XRN2: variants seen among roughly 807,000 people sequenced by gnomAD.
The protein encoded by XRN2 is DHM1-like protein.
Under a neutral mutation model 138.5 loss-of-function variants are expected in XRN2, and 44 were observed. The ratio of observed to expected loss-of-function variants is 0.32; its 90% CI spans 0.25 to 0.41. XRN2 has a LOEUF of 0.41. XRN2 is among the 10% of genes least tolerant of loss of function. The probability of loss-of-function intolerance (pLI) is 1.00; values close to 1 mark genes in which losing one functional copy is unlikely to be tolerated. For synonymous variants in XRN2, 354 were observed against 369.4 expected (o/e 0.96, Z 0.48); for missense variants, 937 against 1,169.3 (o/e 0.80, Z 2.90).
chr20:21,307,322 G>C lies in XRN2; in HGVS notation c.75+3849G>C, dbSNP rs113115870. Among the ~76,000 whole-genome samples the C allele has an allele frequency of 2.0e-3, 156 of 76,286 alleles. 60 individuals are homozygous for C. Among genetic ancestry groups the C allele is most frequent in the African/African-American group, 5.3e-3 (147 of 27,910 alleles). 50.0% of individuals were successfully genotyped at this position (76,286 alleles called of 152,430 possible). On this transcript the variant is annotated intron_variant, in intron 1 of 29. Transcript: ENST00000377191. ...TTGAGTCTGGAGTCTTACGTTCTTCGGTTTTAGGGAATGCTGTTTGATGAT... is the reference window on the plus strand; with the variant it reads ...TTGAGTCTGGAGTCTTACGTTCTTCCGTTTTAGGGAATGCTGTTTGATGAT...
At chr20:21,357,884 C>T (rs959019279) in intron 24 of XRN2, 92 bp downstream of exon 24, 4 of 1,101,054 alleles carry the variant, frequency 3.6e-6, no homozygotes, top group South Asian at 1.7e-5. Context: ...AAGGAAATGG[C>T]AGCTGTTAAT....
At position 21,357,642 on chromosome 20, in the gene XRN2, TTCTA is replaced by T. The variant is rs966183477; in HGVS notation, c.2199-93_2199-90del. On this transcript the variant is annotated intron_variant, in intron 23 of 29. Coordinates refer to ENST00000377191, the MANE Select transcript of XRN2 (RefSeq NM_012255.5). The stretch of plus-strand genomic sequence containing the variant: ...TTAGTGCATTCTAATGATTTATCTT[TTCTA>T]AAGACTAACAAACATAGCAACATCT... 2.2e-4 allele frequency: 231 copies of T among 1,026,988 alleles called. 1 individual carries two copies. Among genetic ancestry groups the T allele is most frequent in the Non-Finnish European group, 5.3e-5 (38 of 721,378 alleles). The allele number at this position is 1,026,988 out of a possible 1,614,324, so 63.6% of individuals were successfully genotyped here. A position where few individuals can be genotyped will look rare whatever the true frequency, so the allele number is the denominator to read the frequency against.
chr20:21,319,100 T>C (rs2038002315), intron 1 of XRN2, among the ~76,000 whole-genome samples: 1 of 152,186 alleles, frequency 6.6e-6, no homozygotes, highest in Admixed American at 6.5e-5. Flanking sequence ...TATCTTTTTC[T>C]TGATGGATTT....
chr20:21,381,208 A>C (rs963283296), intron 27 of XRN2, among the ~76,000 whole-genome samples: 3 of 152,158 alleles, frequency 2.0e-5, no homozygotes, highest in African/African-American at 7.2e-5. Flanking sequence ...AGTCTAGAGG[A>C]GGTTACTGTC....
At chr20:21,329,400 T>G (rs1263125042) in intron 4 of XRN2, among the ~76,000 whole-genome samples, 2 of 152,174 alleles carry the variant, frequency 1.3e-5, no homozygotes, top group Non-Finnish European at 2.9e-5. Flanking sequence ...CAGGTTTGTT[T>G]GGTGTTCTGC....
intron 20 of XRN2, among the ~76,000 whole-genome samples, chr20:21,352,192 T>A (rs1465512164): frequency 6.6e-6 from 1 of 152,204 alleles, no homozygotes; most frequent in Non-Finnish European, 1.5e-5. Context: ...TCCTCATACA[T>A]GTTTTTAAAA....
intron 28 of XRN2, among the ~76,000 whole-genome samples, chr20:21,386,641 CTCAGT>C (rs2038939309): frequency 6.6e-6 from 1 of 152,154 alleles, no homozygotes; most frequent in Non-Finnish European, 1.5e-5. Context: ...GTCAGAACTT[CTCAGT>C]TGAGTTTAAA....
intron 1 of XRN2, among the ~76,000 whole-genome samples, chr20:21,325,083 G>A (rs983109411): frequency 1.3e-5 from 2 of 152,096 alleles, no homozygotes; most frequent in Admixed American, 1.3e-4. Flanking sequence ...ATAGTACTTG[G>A]TACTTCATGA....
At chr20:21,356,694 T>G (rs2038579665) in intron 23 of XRN2, 29 bp downstream of exon 23, 1 of 1,579,968 alleles carries the variant, frequency 6.3e-7, no homozygotes, top group Non-Finnish European at 8.6e-7. Flanking sequence ...ATAATTGAGG[T>G]GACTGGAAGG....
chr20:21,330,960 T>TA (rs2038199383), intron 6 of XRN2, among the ~76,000 whole-genome samples: 1 of 152,098 alleles, frequency 6.6e-6, no homozygotes, highest in Non-Finnish European at 1.5e-5. Flanking sequence ...ATTCATAATT[T>TA]AAAAAATATA....
At chr20:21,303,539 A>G (rs907612404) in intron 1 of XRN2, 66 bp downstream of exon 1, 10 of 1,470,972 alleles carry the variant, frequency 6.8e-6, no homozygotes, top group African/African-American at 4.5e-5. Context: ...GCCGCGGCCC[A>G]TGGGCTCCGC....
At chr20:21,356,529 C>T (rs1012480120) in intron 22 of XRN2, 57 bp from the exon 23 acceptor site, 1 of 1,516,760 alleles carries the variant, frequency 6.6e-7, no homozygotes, top group Non-Finnish European at 9.1e-7. Flanking sequence ...CAAGAATCTG[C>T]TTGAGTCCCA....
intron 27 of XRN2, among the ~76,000 whole-genome samples, chr20:21,372,667 T>A (rs1293319027): frequency 6.6e-6 from 1 of 152,148 alleles, no homozygotes; most frequent in African/African-American, 2.4e-5. Flanking sequence ...TACATATAGT[T>A]TTTTATTGAA....
chr20:21,387,206 A>T (rs2038945907), intron 29 of XRN2, among the ~76,000 whole-genome samples, 200 bp downstream of exon 29: 1 of 152,210 alleles, frequency 6.6e-6, no homozygotes, highest in Admixed American at 6.5e-5. Flanking sequence ...TACCTTGAAG[A>T]TGCCAAAGAA....
intron 16 of XRN2, among the ~76,000 whole-genome samples, chr20:21,345,265 AATTGTTTAATCCTAGAGGAAATC>A (rs1343860014): frequency 1.3e-5 from 2 of 152,194 alleles, no homozygotes; most frequent in South Asian, 2.1e-4. Context: ...TCCTAGAGGA[AATTGTTTAATCCTAGAGGAAATC>A]ATTGTTTAAT....
At chr20:21,323,012 T>C (rs548879763) in intron 1 of XRN2, among the ~76,000 whole-genome samples, 1 of 152,302 alleles carries the variant, frequency 6.6e-6, no homozygotes, top group African/African-American at 2.4e-5. Flanking sequence ...CTGGTTCACA[T>C]GGGACCTGGG....
rs535756639 is a variant in XRN2, at chr20:21,328,484, A to G, written c.316-75A>G. The G allele has an allele frequency of 1.0e-3, 1,417 of 1,391,198 alleles. 1 individual carries two copies. The highest frequency in any genetic ancestry group is 1.3e-3 in the Non-Finnish European group (1,323 of 1,004,402). 86.2% of individuals were successfully genotyped at this position (1,391,198 alleles called of 1,614,324 possible). ...TTAGTGTACTGCTTTTATAAGAACA[A>G]CTGATTCAAAATAAGGTACAGATTT... On this transcript the variant is annotated intron_variant, in intron 3 of 29. Coordinates refer to ENST00000377191, the MANE Select transcript of XRN2 (RefSeq NM_012255.5).
intron 20 of XRN2, among the ~76,000 whole-genome samples, chr20:21,353,250 ATATATATATATATATC>A (rs1199103480): frequency 2.4e-4 from 4 of 16,350 alleles, no homozygotes; most frequent in African/African-American, 5.3e-4. Context: ...ATATATATAT[ATATATATATATATATC>A]TCTTAAATGT....
chr20:21,365,186 G>C (rs2038679974), intron 24 of XRN2, among the ~76,000 whole-genome samples: 1 of 152,140 alleles, frequency 6.6e-6, no homozygotes, highest in South Asian at 2.1e-4. Context: ...TTACTTCTCT[G>C]TCATCACCAA....
Sources: gnomAD v4.1 joint callset for allele counts (sites outside exome capture counted in the v4.1 genomes callset) on GRCh38, gnomAD v4.1.1 for gene constraint, MANE v1.5 for transcripts, NCBI Gene and HGNC (gene_info 2026-07-23, HGNC 2026-07-21) for gene names.